STPG2: variants seen among roughly 807,000 people sequenced by gnomAD.
The protein encoded by STPG2 is sperm-tail PG-rich repeat-containing protein 2.
Under a neutral mutation model 54.2 loss-of-function variants are expected in STPG2, and 56 were observed. The ratio of observed to expected loss-of-function variants is 1.03; its 90% CI spans 0.83 to 1.29. The LOEUF (loss-of-function observed/expected upper bound fraction) is 1.29. Ranked by LOEUF, STPG2 falls within the 50% of genes most tolerant of loss-of-function variation. STPG2 has a pLI of 0.00. For synonymous variants in STPG2, 200 were observed against 181.8 expected (o/e 1.10, Z -0.81); for missense variants, 596 against 544.9 (o/e 1.09, Z -0.93).
chr4:98,102,866 G>T (rs964483231), intron 5 of STPG2, among the ~76,000 whole-genome samples: 5 of 147,154 alleles, frequency 3.4e-5, no homozygotes, highest in African/African-American at 1.2e-4. Flanking sequence ...ATATTAATAT[G>T]GAATATATCA....
chr4:97,743,043 A>G lies in STPG2; in HGVS notation c.1205-30229T>C, dbSNP rs1198553546. 2.0e-5 allele frequency among the ~76,000 whole-genome samples: 3 copies of G among 151,812 alleles called. No individual in the cohort carries two copies. In the East Asian group the frequency reaches 5.8e-4, roughly 29 times the overall value. ...AAATATATATAATAGAAATATATTA[A>G]AAGTAAAAAAGCTATTATGTCATAA... On this transcript the variant is annotated intron_variant, in intron 9 of 10. Coordinates refer to ENST00000295268, the MANE Select transcript of STPG2 (RefSeq NM_174952.3).
chr4:97,517,219 A>G (rs1426485758), intron 4 of STPG2, among the ~76,000 whole-genome samples: 1 of 152,026 alleles, frequency 6.6e-6, no homozygotes, highest in Non-Finnish European at 1.5e-5. Flanking sequence ...ATTTAAAAAT[A>G]TTTATTGGGC....
At chr4:97,911,282 A>G (rs912638540) in intron 8 of STPG2, among the ~76,000 whole-genome samples, 3 of 152,232 alleles carry the variant, frequency 2.0e-5, no homozygotes, top group African/African-American at 4.8e-5. Context: ...GGGAATTCCA[A>G]TGAGGCAGGA....
intron 9 of STPG2, among the ~76,000 whole-genome samples, chr4:97,771,243 C>T (rs918711477): frequency 2.5e-4 from 38 of 151,950 alleles, no homozygotes; most frequent in Admixed American, 2.2e-3. Flanking sequence ...AGGAAGCACA[C>T]GGGGATTTAA....
chr4:97,863,346 G>C (rs369865741), intron 8 of STPG2, among the ~76,000 whole-genome samples: 2 of 152,250 alleles, frequency 1.3e-5, no homozygotes, highest in Non-Finnish European at 2.9e-5. Flanking sequence ...AGAAAATCTA[G>C]AAGAAATGGA....
intron 4 of STPG2, among the ~76,000 whole-genome samples, chr4:97,443,830 T>C (rs1729150898): frequency 6.6e-6 from 1 of 152,130 alleles, no homozygotes; most frequent in Admixed American, 6.5e-5. Flanking sequence ...TGTCAGGAGA[T>C]ATAATCAAAA....
intron 10 of STPG2, among the ~76,000 whole-genome samples, chr4:97,580,910 A>T: frequency 6.6e-6 from 1 of 152,094 alleles, no homozygotes; most frequent in Non-Finnish European, 1.5e-5. Flanking sequence ...TTTGTAAAAA[A>T]TATGCGTTCC....
At chr4:97,896,439 C>T (rs980327146) in intron 8 of STPG2, among the ~76,000 whole-genome samples, 13 of 151,606 alleles carry the variant, frequency 8.6e-5, no homozygotes, top group African/African-American at 3.1e-4. Context: ...CAAAAGTAAA[C>T]AAGTGCAGTT....
At chr4:98,108,633 C>T (rs768280723) in intron 4 of STPG2, among the ~76,000 whole-genome samples, 5 of 152,008 alleles carry the variant, frequency 3.3e-5, no homozygotes, top group Non-Finnish European at 5.9e-5. Flanking sequence ...TAATTAAGGA[C>T]AGTATATTTT....
intron 4 of STPG2, among the ~76,000 whole-genome samples, chr4:97,482,857 T>C (rs1439673890): frequency 6.6e-6 from 1 of 151,604 alleles, no homozygotes; most frequent in Admixed American, 6.6e-5. Context: ...AACAGCAGAT[T>C]TATCAGCAGA....
intron 8 of STPG2, among the ~76,000 whole-genome samples, chr4:97,885,810 G>A (rs1730541564): frequency 6.6e-6 from 1 of 152,126 alleles, no homozygotes; most frequent in South Asian, 2.1e-4. Flanking sequence ...CATGCATATT[G>A]TGGTACAACT....
At chr4:97,639,813 G>C (rs1200525711) in intron 10 of STPG2, among the ~76,000 whole-genome samples, 1 of 151,034 alleles carries the variant, frequency 6.6e-6, no homozygotes, top group Admixed American at 6.6e-5. Flanking sequence ...GAACCATTTG[G>C]GAATATGATG....
At chr4:97,634,742 A>C (rs1459478800) in intron 10 of STPG2, among the ~76,000 whole-genome samples, 3 of 152,016 alleles carry the variant, frequency 2.0e-5, no homozygotes, top group Admixed American at 2.0e-4. Context: ...GGGTATCAGC[A>C]ATGGAAGATG....
At chr4:97,995,008 C>T (rs1735156923) in intron 5 of STPG2, among the ~76,000 whole-genome samples, 1 of 151,976 alleles carries the variant, frequency 6.6e-6, no homozygotes, top group African/African-American at 2.4e-5. Flanking sequence ...ATGTGGTTCC[C>T]AGGCCAATGG....
At chr4:97,779,353 G>T (rs1339003619) in intron 9 of STPG2, among the ~76,000 whole-genome samples, 1 of 152,128 alleles carries the variant, frequency 6.6e-6, no homozygotes, top group African/African-American at 2.4e-5. Flanking sequence ...TCAAATGAAT[G>T]AAATGAAGTG....
At chr4:97,752,483 A>G (rs1725607810) in intron 9 of STPG2, among the ~76,000 whole-genome samples, 2 of 151,792 alleles carry the variant, frequency 1.3e-5, no homozygotes, top group Admixed American at 1.3e-4. Flanking sequence ...TACCCTGTAT[A>G]GTGCCACTCA....
chr4:97,786,649 A>C (rs1213673086), intron 9 of STPG2, among the ~76,000 whole-genome samples: 2 of 152,094 alleles, frequency 1.3e-5, no homozygotes, highest in Non-Finnish European at 2.9e-5. Flanking sequence ...ATGAAATCTC[A>C]TACCATCCTG....
intron 4 of STPG2, among the ~76,000 whole-genome samples, chr4:97,510,592 A>T (rs1730951281): frequency 6.6e-6 from 1 of 152,032 alleles, no homozygotes; most frequent in Non-Finnish European, 1.5e-5. Context: ...AGTTTCATGG[A>T]AGACAATTTT....
intron 9 of STPG2, among the ~76,000 whole-genome samples, chr4:97,798,495 C>A (rs28830830): frequency 2.0e-5 from 3 of 152,094 alleles, no homozygotes; most frequent in African/African-American, 7.2e-5. Context: ...GAGCGGTTTT[C>A]AGTGAGTTTC....
Sources: allele counts gnomAD v4.1 joint callset (sites outside exome capture counted in the v4.1 genomes callset), GRCh38; gene constraint gnomAD v4.1.1; transcripts MANE v1.5; gene names NCBI Gene and HGNC (gene_info 2026-07-23, HGNC 2026-07-21).